The following GPC6 variants were observed in gnomAD, a reference collection of about 807,000 sequenced individuals.
GPC6 encodes the protein glypican-6.
GPC6 carries 14 observed loss-of-function variants against 55.2 expected under a neutral mutation model. The observed-to-expected ratio is 0.25, with a 90% CI of 0.17 to 0.40. GPC6 has a LOEUF of 0.40. GPC6 is among the 10% of genes least tolerant of loss of function. The pLI is 1.00. For missense variants in GPC6, 641 were observed against 708.5 expected (o/e 0.90, Z 1.08); for synonymous variants, 278 against 259.6 (o/e 1.07, Z -0.68).
chr13:93,859,773 G>T (rs1277328348), intron 3 of GPC6, among the ~76,000 whole-genome samples: 1 of 151,564 alleles, frequency 6.6e-6, no homozygotes, highest in African/African-American at 2.4e-5. Flanking sequence ...GAGTTCAGTA[G>T]CCTCATGACT....
intron 1 of GPC6, among the ~76,000 whole-genome samples, chr13:93,414,228 C>T (rs1245549553): frequency 6.6e-6 from 1 of 152,072 alleles, no homozygotes; most frequent in African/African-American, 2.4e-5. Flanking sequence ...TCGAGGTGGT[C>T]CACTCACATT....
chr13:94,195,585 A>T (rs183494241), intron 4 of GPC6, among the ~76,000 whole-genome samples: 1 of 152,224 alleles, frequency 6.6e-6, no homozygotes, highest in East Asian at 1.9e-4. Context: ...TTCCTCATTC[A>T]TAAAACAGAG....
chr13:93,458,492 C>T (rs901184746), intron 1 of GPC6, among the ~76,000 whole-genome samples: 10 of 152,048 alleles, frequency 6.6e-5, no homozygotes, highest in Admixed American at 3.3e-4. Flanking sequence ...CTGTTTCTCA[C>T]GGATACTCCA....
At position 94,403,028 on chromosome 13, in the gene GPC6, T is replaced by C. The variant is rs1327451027; in HGVS notation, c.1479T>C (p.Ser493=). 1.2e-6 allele frequency: 2 copies of C among 1,611,228 alleles called. No individual in the cohort carries two copies. The highest frequency in any genetic ancestry group is 1.7e-5 in the Admixed American group (1 of 60,000). Residue 493 remains serine, a synonymous_variant, in exon 9 of 9, where the codon AGT becomes AGC. Coordinates refer to ENST00000377047, the MANE Select transcript of GPC6 (RefSeq NM_005708.5). ...VNFQDTSDES[S]GSGSGSGCMD... Reference sequence around the variant, plus strand: ...TTTCCACACTAGGTGATGAATCCAGTGGCTCAGGGAGTGGCAGTGGGTGCA... The same window carrying C: ...TTTCCACACTAGGTGATGAATCCAGCGGCTCAGGGAGTGGCAGTGGGTGCA...
chr13:94,210,828 A>G (rs1325220929), intron 4 of GPC6, among the ~76,000 whole-genome samples: 1 of 152,254 alleles, frequency 6.6e-6, no homozygotes, highest in African/African-American at 2.4e-5. Context: ...TCTAACTACA[A>G]ATACCAGGGC....
chr13:94,016,808 G>T, intron 3 of GPC6, among the ~76,000 whole-genome samples: 1 of 150,862 alleles, frequency 6.6e-6, no homozygotes. Flanking sequence ...TTATTCCCAG[G>T]TATTTTTAAG....
intron 2 of GPC6, among the ~76,000 whole-genome samples, chr13:93,589,887 A>C (rs1252236035): frequency 6.6e-6 from 1 of 152,192 alleles, no homozygotes; most frequent in Non-Finnish European, 1.5e-5. Flanking sequence ...GGGATAAAAC[A>C]CTTATGCCTT....
chr13:93,422,430 C>A (rs1333001387), intron 1 of GPC6, among the ~76,000 whole-genome samples: 5 of 152,242 alleles, frequency 3.3e-5, no homozygotes, highest in African/African-American at 1.2e-4. Flanking sequence ...CGGATAGTTT[C>A]TTTGCCACTG....
intron 1 of GPC6, among the ~76,000 whole-genome samples, chr13:93,386,308 A>T (rs937748938): frequency 6.6e-6 from 1 of 152,178 alleles, no homozygotes; most frequent in Non-Finnish European, 1.5e-5. Context: ...CTCCCCTTCA[A>T]GCTTTTTAAA....
intron 1 of GPC6, among the ~76,000 whole-genome samples, chr13:93,248,818 A>G (rs530723982): frequency 2.6e-5 from 4 of 152,224 alleles, no homozygotes; most frequent in East Asian, 1.9e-4. Flanking sequence ...GGCTCATGAC[A>G]GAAGCTGTTT....
At chr13:94,237,473 G>A (rs1890914168) in intron 4 of GPC6, among the ~76,000 whole-genome samples, 1 of 152,120 alleles carries the variant, frequency 6.6e-6, no homozygotes, top group South Asian at 2.1e-4. Flanking sequence ...TTCAACAGCG[G>A]TAAGGTCTCT....
At chr13:93,912,078 C>T (rs1877013990) in intron 3 of GPC6, among the ~76,000 whole-genome samples, 1 of 151,956 alleles carries the variant, frequency 6.6e-6, no homozygotes, top group South Asian at 2.1e-4. Context: ...CAGAGACAGC[C>T]CGTGAATGAT....
chr13:94,026,572 C>T (rs956978043), intron 3 of GPC6, among the ~76,000 whole-genome samples: 2 of 152,020 alleles, frequency 1.3e-5, no homozygotes, highest in African/African-American at 4.8e-5. Flanking sequence ...ATTTTTACAT[C>T]TAGTCATGAA....
At chr13:93,560,580 G>C (rs942793679) in intron 2 of GPC6, among the ~76,000 whole-genome samples, 12 of 151,832 alleles carry the variant, frequency 7.9e-5, no homozygotes, top group Admixed American at 5.9e-4. Context: ...CCTTGGCCGG[G>C]AGCGGTGGCT....
chr13:94,100,350 G>T (rs1384946937), intron 4 of GPC6, among the ~76,000 whole-genome samples: 1 of 152,134 alleles, frequency 6.6e-6, no homozygotes, highest in Non-Finnish European at 1.5e-5. Flanking sequence ...TCACATTTCA[G>T]TGTTTAATAC....
chr13:93,795,491 C>T (rs1241321300), intron 2 of GPC6, among the ~76,000 whole-genome samples: 3 of 152,130 alleles, frequency 2.0e-5, no homozygotes, highest in Non-Finnish European at 4.4e-5. Flanking sequence ...CAAAATGTGT[C>T]ATATATGTAG....
At chr13:93,831,259 T>A (rs1278844208) in intron 3 of GPC6, among the ~76,000 whole-genome samples, 2 of 152,240 alleles carry the variant, frequency 1.3e-5, no homozygotes, top group African/African-American at 4.8e-5. Flanking sequence ...ATATAAGGGA[T>A]AATTCTACAT....
intron 4 of GPC6, among the ~76,000 whole-genome samples, chr13:94,264,610 C>A (rs528066489): frequency 2.6e-4 from 39 of 152,252 alleles, no homozygotes; most frequent in African/African-American, 9.4e-4. Context: ...ATACAAAAGG[C>A]AAGTATAGAG....
At chr13:93,538,326 G>T (rs1882143219) in intron 1 of GPC6, among the ~76,000 whole-genome samples, 1 of 152,138 alleles carries the variant, frequency 6.6e-6, no homozygotes, top group African/African-American at 2.4e-5. Flanking sequence ...TACTAATTCA[G>T]TGCACTATTA....
Sources: allele counts gnomAD v4.1 joint callset (sites outside exome capture counted in the v4.1 genomes callset), GRCh38; gene constraint gnomAD v4.1.1; transcripts MANE v1.5; gene names NCBI Gene and HGNC (gene_info 2026-07-23, HGNC 2026-07-21).